Variants in SLC6A6 observed in about 807,000 individuals in gnomAD.
The protein encoded by SLC6A6 is solute carrier family 6 member 6.
A neutral mutation model predicts 68.8 loss-of-function variants in SLC6A6; 16 were observed. The observed-to-expected ratio is 0.23, with a 90% CI of 0.16 to 0.35. SLC6A6 has a LOEUF of 0.35. Ranked by LOEUF, SLC6A6 falls within the 10% of genes least tolerant of loss-of-function variation. The pLI is 1.00. For synonymous variants in SLC6A6, 312 were observed against 315.4 expected (o/e 0.99, Z 0.12); for missense variants, 474 against 802.8 (o/e 0.59, Z 4.95).
chr3:14,464,939 G>C (rs777428494), intron 6 of SLC6A6, among the ~76,000 whole-genome samples: 1 of 152,194 alleles, frequency 6.6e-6, no homozygotes, highest in Admixed American at 6.5e-5. Flanking sequence ...CTGCACAGAG[G>C]TTAGCCCTCC....
At chr3:14,436,080 A>G (rs867203704) in intron 2 of SLC6A6, among the ~76,000 whole-genome samples, 8 of 152,276 alleles carry the variant, frequency 5.3e-5, no homozygotes, top group Admixed American at 6.5e-5. Flanking sequence ...CAATGATTCA[A>G]TCTCTTAAAG....
chr3:14,421,532 A>G (rs1289539666), intron 2 of SLC6A6, among the ~76,000 whole-genome samples: 1 of 152,252 alleles, frequency 6.6e-6, no homozygotes, highest in East Asian at 1.9e-4. Context: ...TTAGCTCAGA[A>G]CGGCACATAG....
At chr3:14,466,926 A>C (rs2124979927) in intron 7 of SLC6A6, among the ~76,000 whole-genome samples, 1 of 152,294 alleles carries the variant, frequency 6.6e-6, no homozygotes, top group East Asian at 1.9e-4. Context: ...CCCTGCACCA[A>C]GGGGGAGAAA....
intron 2 of SLC6A6, among the ~76,000 whole-genome samples, chr3:14,435,905 G>A (rs1006434788): frequency 3.9e-5 from 6 of 152,208 alleles, no homozygotes; most frequent in Admixed American, 2.6e-4. Context: ...TGAGAGTCCA[G>A]ACTCCTCCTG....
At chr3:14,456,657 A>G (rs1700374326) in intron 5 of SLC6A6, among the ~76,000 whole-genome samples, 1 of 152,244 alleles carries the variant, frequency 6.6e-6, no homozygotes, top group Non-Finnish European at 1.5e-5. Context: ...GGACTGGCTG[A>G]AAGCTTGGGA....
intron 4 of SLC6A6, 138 bp from the exon 5 acceptor site, chr3:14,447,444 T>A: frequency 9.8e-7 from 1 of 1,016,960 alleles, no homozygotes; most frequent in East Asian, 2.4e-5. Context: ...ATTCACCCTA[T>A]AAATATTTGG....
At chr3:14,422,128 C>G (rs777033490) in intron 2 of SLC6A6, among the ~76,000 whole-genome samples, 1 of 152,102 alleles carries the variant, frequency 6.6e-6, no homozygotes, top group African/African-American at 2.4e-5. Context: ...CAATTAAGTC[C>G]AGAAACCTCC....
intron 2 of SLC6A6, among the ~76,000 whole-genome samples, chr3:14,438,724 GC>G (rs1699916295): frequency 6.6e-6 from 1 of 152,180 alleles, no homozygotes; most frequent in Non-Finnish European, 1.5e-5. Context: ...GATGGGAGAA[GC>G]AGGCAAAATA....
intron 5 of SLC6A6, among the ~76,000 whole-genome samples, chr3:14,448,366 A>G (rs576962792): frequency 6.6e-6 from 1 of 152,224 alleles, no homozygotes; most frequent in South Asian, 2.1e-4. Flanking sequence ...TTGGCTGGGC[A>G]GTTCTTCTGG....
At chr3:14,479,326 G>A (rs571278085) in intron 13 of SLC6A6, 141 bp downstream of exon 13, 15 of 629,920 alleles carry the variant, frequency 2.4e-5, no homozygotes, top group Admixed American at 5.2e-5. Flanking sequence ...CTGGGAGAGG[G>A]GAGGAAGGCT....
chr3:14,459,617 A>G (rs1020330387), intron 6 of SLC6A6, among the ~76,000 whole-genome samples: 6 of 152,122 alleles, frequency 3.9e-5, no homozygotes, highest in African/African-American at 1.2e-4. Flanking sequence ...AGCAGGGGAC[A>G]TGGGTAACTC....
intron 6 of SLC6A6, 124 bp downstream of exon 6, chr3:14,458,206 T>TA: frequency 1.2e-6 from 1 of 848,472 alleles, no homozygotes; most frequent in South Asian, 1.4e-5. Context: ...GGCGTGCTGG[T>TA]AAGCCCGCCC....
rs1245181593 is a variant in SLC6A6 at position 14,477,745 on chromosome 3, C to T, written c.1347+403C>T. 1.3e-5 allele frequency among the ~76,000 whole-genome samples: 2 copies of T among 152,154 alleles called. No homozygotes were observed. The highest frequency in any genetic ancestry group is 2.9e-5 in the Non-Finnish European group (2 of 68,030). ...TACCACAGCACCACGTAGAGGTGCACCACCTTGCAGGTCACCTGCCACAGG... is the reference window on the plus strand; with the variant it reads ...TACCACAGCACCACGTAGAGGTGCATCACCTTGCAGGTCACCTGCCACAGG... On this transcript the variant is annotated intron_variant, in intron 11 of 14. Transcript: ENST00000622186. This position sits in a 1 kb window ranked among gnomAD's most constrained non-coding sequence, Gnocchi z 4.2.
At position 14,477,380 on chromosome 3, in the gene SLC6A6, T is replaced by C. The variant is rs1364841284; in HGVS notation, c.1347+38T>C. Reference sequence around the variant, plus strand: ...CTCAGCTGTGTTTCAGGCTTGGTGCTCCAGTGCCCTCCTCAAGGCCATAGT... The same window carrying C: ...CTCAGCTGTGTTTCAGGCTTGGTGCCCCAGTGCCCTCCTCAAGGCCATAGT... On this transcript the variant is annotated intron_variant, in intron 11 of 14. Transcript: ENST00000622186. The surrounding 1 kb of genome is among the most constrained non-coding windows in gnomAD (Gnocchi z 4.2). 6.2e-7 allele frequency: 1 copy of C among 1,606,012 alleles called. No homozygotes were observed. The highest frequency in any genetic ancestry group is 8.5e-7 in the Non-Finnish European group (1 of 1,174,098).
At chr3:14,475,893 G>C (rs1318335986) in intron 10 of SLC6A6, among the ~76,000 whole-genome samples, 2 of 152,110 alleles carry the variant, frequency 1.3e-5, no homozygotes, top group African/African-American at 4.8e-5. Flanking sequence ...TATTCCTGGT[G>C]GCAGTCTCAT....
At chr3:14,470,455 G>C (rs1024774930) in intron 9 of SLC6A6, among the ~76,000 whole-genome samples, 2 of 152,238 alleles carry the variant, frequency 1.3e-5, no homozygotes, top group African/African-American at 4.8e-5. Flanking sequence ...GCTGGATTAT[G>C]TCTCCTGGAC....
chr3:14,470,145 T>C (rs1420803556), intron 9 of SLC6A6, among the ~76,000 whole-genome samples: 1 of 152,204 alleles, frequency 6.6e-6, no homozygotes, highest in African/African-American at 2.4e-5. Context: ...GAGATACAGA[T>C]AGATACATAC....
chr3:14,484,805 C>G lies in SLC6A6; in HGVS notation c.1723-62C>G, dbSNP rs375963367. The G allele has an allele frequency of 1.5e-4, 242 of 1,576,680 alleles. No individual in the cohort carries two copies. The African/African-American group carries it at 2.9e-3, about 19-fold the overall frequency. On this transcript the variant is annotated intron_variant, in intron 14 of 14. Transcript: ENST00000622186. ...CCAATTCAGGAGGAGGCAGATGGCCCTGGCGAAGGGGAGACCAGGCCGCCT... is the reference window on the plus strand; with the variant it reads ...CCAATTCAGGAGGAGGCAGATGGCCGTGGCGAAGGGGAGACCAGGCCGCCT...
rs750677480 is a variant in SLC6A6, at chr3:14,447,665, T to G, written c.448T>G (p.Phe150Val). ...VILAWATYYL[F>V]QSFQKELPWA... ...CCTGGCCTGGGCCACATACTACCTGTTCCAGTCCTTCCAGAAGGAGCTGCC... is the reference window on the plus strand; with the variant it reads ...CCTGGCCTGGGCCACATACTACCTGGTCCAGTCCTTCCAGAAGGAGCTGCC... The change falls in exon 5 of 15, where the codon TTC becomes GTC. Residue 150 changes from phenylalanine (F) to valine (V), a missense_variant. Phe to Val is a conservative substitution (Grantham distance 50, BLOSUM62 -1). Around this residue, in one of 2 missense-constraint regions of SLC6A6, gnomAD observed 280 missense variants for 533.1 expected, o/e 0.53. Transcript: ENST00000622186. The G allele has an allele frequency of 3.1e-6, 5 of 1,614,146 alleles. No homozygotes were observed. Among genetic ancestry groups the G allele is most frequent in the Non-Finnish European group, 4.2e-6 (5 of 1,180,054 alleles).
Sources: allele counts gnomAD v4.1 joint callset (sites outside exome capture counted in the v4.1 genomes callset), GRCh38; gene constraint gnomAD v4.1.1; regional missense constraint gnomAD v4.1.1; non-coding constraint Gnocchi (gnomAD v3.1); transcripts MANE v1.5; gene names NCBI Gene and HGNC (gene_info 2026-07-23, HGNC 2026-07-21).